The following DMXL2 variants were observed in gnomAD, a reference collection of about 807,000 sequenced individuals.
DMXL2 encodes the protein Dmx like 2.
In DMXL2, 103 loss-of-function variants were observed where a neutral mutation model predicts 331.1. That is an observed-to-expected ratio of 0.31 (90% CI 0.27 to 0.37). The LOEUF is 0.37. Ranked by LOEUF, DMXL2 falls within the 10% of genes least tolerant of loss-of-function variation. The pLI is 1.00. For synonymous variants in DMXL2, 1,281 were observed against 1,252.1 expected (o/e 1.02, Z -0.49); for missense variants, 3,171 against 3,642.9 (o/e 0.87, Z 3.33).
At chr15:51,465,770 G>A (rs1240430073) in intron 30 of DMXL2, 119 bp from the exon 31 acceptor site, 1 of 725,004 alleles carries the variant, frequency 1.4e-6, no homozygotes, top group Non-Finnish European at 2.2e-6. Flanking sequence ...AGCTGTCATT[G>A]AAATTTACTA....
intron 1 of DMXL2, among the ~76,000 whole-genome samples, chr15:51,587,185 T>A (rs2051905344): frequency 6.6e-6 from 1 of 152,260 alleles, no homozygotes; most frequent in African/African-American, 2.4e-5. Context: ...TTTTTTATTA[T>A]ACTTTAAGTT....
intron 1 of DMXL2, among the ~76,000 whole-genome samples, chr15:51,611,584 A>G (rs1297623401): frequency 6.6e-6 from 1 of 152,118 alleles, no homozygotes; most frequent in African/African-American, 2.4e-5. Context: ...TACTTTTTAC[A>G]TCTTGCGGGG....
chr15:51,494,727 G>C (rs895757705), intron 19 of DMXL2, among the ~76,000 whole-genome samples: 1 of 152,120 alleles, frequency 6.6e-6, no homozygotes, highest in African/African-American at 2.4e-5. Flanking sequence ...GATATTCAGG[G>C]CTACTCTGTA....
rs12102203 is a variant in DMXL2, at chr15:51,499,362, A to C, written c.3862T>G (p.Ser1288Ala). 10 of 1,613,566 alleles carry C rather than the reference A, an allele frequency of 6.2e-6. No individual in the cohort carries two copies. The highest frequency in any genetic ancestry group is 8.5e-6 in the Non-Finnish European group (10 of 1,179,932). ...TGCATTGCTGCCTCTTCTGCATTAG[A>C]ACTATCAGCTTCAGTGTCTCCAAAT... is the stretch of plus-strand genomic sequence containing the variant. The part of the protein sequence containing the change: ...VKFGDTEADS[S>A]NAEEAAMQDH... The change falls in exon 18 of 44, where the codon TCT (serine) becomes GCT (alanine). Residue 1288 changes from serine to alanine, a missense_variant. Coordinates refer to ENST00000560891, the MANE Select transcript of DMXL2 (RefSeq NM_001378457.1).
At chr15:51,563,254 T>C in intron 6 of DMXL2, 127 bp downstream of exon 6, 1 of 779,054 alleles carries the variant, frequency 1.3e-6, no homozygotes, top group South Asian at 1.8e-5. Context: ...CTTTTATTCT[T>C]CAGGCCAGCT....
intron 41 of DMXL2, among the ~76,000 whole-genome samples, chr15:51,452,205 C>CA (rs780609678): frequency 7.3e-4 from 108 of 148,726 alleles, no homozygotes; most frequent in South Asian, 1.4e-3. Context: ...AAGATAACAT[C>CA]AAAAAAAACT....
In DMXL2 at chr15:51,456,126, G is replaced by A. The variant is rs1343327675; in HGVS notation, c.8466C>T (p.Cys2822=). The A allele has an allele frequency of 2.5e-6, 4 of 1,614,164 alleles. No homozygotes were observed. Among genetic ancestry groups the A allele is most frequent in the Non-Finnish European group, 2.5e-6 (3 of 1,180,028 alleles). ...FEWTRPQQLV[C]FRQAGNARVT... ...CTCTTGCATTGCCAGCTTGACGAAA[G>A]CAGACAAGTTGCTGAGGCCGCGTCC... The change falls in exon 39 of 44, where the codon TGC becomes TGT. Residue 2822 remains cysteine (C), a synonymous_variant. Transcript: ENST00000560891.
At position 51,463,627 on chromosome 15, in the gene DMXL2, TG is replaced by T; in HGVS notation, c.7809-132del. On this transcript the variant is annotated intron_variant, in intron 32 of 43. Coordinates refer to ENST00000560891, the MANE Select transcript of DMXL2 (RefSeq NM_001378457.1). The stretch of plus-strand genomic sequence containing the variant: ...TATTTTTAAAACCTTCATAATCTAT[TG>T]CAAAGAAGACACAGCATTAAGCTCA... 7.0e-6 allele frequency: 4 copies of T among 570,596 alleles called. No homozygotes were observed. The Middle Eastern group carries it at 1.4e-3, about 205-fold the overall frequency. The allele number at this position is 570,596 out of a possible 1,614,324, so 35.3% of individuals were successfully genotyped here. A position where few individuals can be genotyped will look rare whatever the true frequency, so the allele number is the denominator to read the frequency against.
At chr15:51,457,120 C>T (rs1339027490) in intron 37 of DMXL2, among the ~76,000 whole-genome samples, 2 of 152,106 alleles carry the variant, frequency 1.3e-5, no homozygotes, top group Admixed American at 6.5e-5. Flanking sequence ...TGCAGTGAGC[C>T]GAAATTGCAC....
chr15:51,455,154 A>G lies in DMXL2; in HGVS notation c.8601T>C (p.Tyr2867=), dbSNP rs1462480089. Residue 2867 remains tyrosine (Y), a synonymous_variant, in exon 40 of 44, where the codon TAT becomes TAC. Transcript: ENST00000560891. The stretch of plus-strand genomic sequence containing the variant: ...GGGAACATTTAGTGATACTTACCAT[A>G]TAAGGTTTAGGATTTGATGCAGTTT... ...VNQTASNPKP[Y]MSWQCHSKAT... is the part of the protein sequence containing the mutation. 1.2e-6 allele frequency: 2 copies of G among 1,613,222 alleles called. No individual in the cohort carries two copies.
intron 1 of DMXL2, among the ~76,000 whole-genome samples, chr15:51,610,483 T>C (rs1028852247): frequency 2.0e-5 from 3 of 152,094 alleles, no homozygotes; most frequent in African/African-American, 4.8e-5. Flanking sequence ...GAAACACTTA[T>C]AAAGGCCAGG....
At chr15:51,485,581 C>T (rs1472653475) in intron 23 of DMXL2, among the ~76,000 whole-genome samples, 1 of 152,162 alleles carries the variant, frequency 6.6e-6, no homozygotes, top group Non-Finnish European at 1.5e-5. Flanking sequence ...TTTAATGACA[C>T]ACTGTTTCTA....
At chr15:51,524,082 G>C (rs1384065614) in intron 13 of DMXL2, among the ~76,000 whole-genome samples, 1 of 152,156 alleles carries the variant, frequency 6.6e-6, no homozygotes, top group Non-Finnish European at 1.5e-5. Flanking sequence ...ACCAGGTCCT[G>C]GGCCATGAAA....
chr15:51,571,257 C>T (rs2050651316), intron 2 of DMXL2, among the ~76,000 whole-genome samples: 1 of 152,084 alleles, frequency 6.6e-6, no homozygotes, highest in Admixed American at 6.5e-5. Context: ...ATATATGCAC[C>T]TAATACAGGA....
intron 1 of DMXL2, among the ~76,000 whole-genome samples, chr15:51,597,313 C>G (rs929536531): frequency 8.5e-5 from 13 of 152,168 alleles, no homozygotes; most frequent in Non-Finnish European, 1.6e-4. Context: ...AGCCACTACC[C>G]TTTTTGGGAA....
At position 51,457,456 on chromosome 15, in the gene DMXL2, C is replaced by T; in HGVS notation, c.8209G>A (p.Val2737Ile). Residue 2737 changes from valine (V) to isoleucine (I), a missense_variant, in exon 37 of 44, where the codon GTT (valine) becomes ATT (isoleucine). By Grantham distance (29) the Val-to-Ile change is conservative. Around this residue, in one of 7 missense-constraint regions of DMXL2, gnomAD observed 766 missense variants for 940.5 expected, o/e 0.81. Coordinates refer to ENST00000560891, the MANE Select transcript of DMXL2 (RefSeq NM_001378457.1). ...YDRESKSSDD[V>I]DYRGSTTTLY... is the part of the protein sequence containing the mutation. ...GTTGTAGTGGAACCACGATAATCAA[C>T]ATCATCTGAACTGTGAAAAACATTC... The T allele has an allele frequency of 6.2e-7, 1 of 1,614,122 alleles. No individual in the cohort carries two copies. The highest frequency in any genetic ancestry group is 8.5e-7 in the Non-Finnish European group (1 of 1,179,988).
At chr15:51,581,927 C>A (rs561126545) in intron 1 of DMXL2, among the ~76,000 whole-genome samples, 1 of 152,230 alleles carries the variant, frequency 6.6e-6, no homozygotes, top group Admixed American at 6.5e-5. Context: ...GTGTACTAAG[C>A]ATGTTGAGAG....
chr15:51,572,678 C>A (rs997905802), intron 2 of DMXL2, among the ~76,000 whole-genome samples: 1 of 152,132 alleles, frequency 6.6e-6, no homozygotes, highest in South Asian at 2.1e-4. Flanking sequence ...GAACCGATGA[C>A]AAAAACCACA....
At chr15:51,602,322 T>G (rs1037975429) in intron 1 of DMXL2, among the ~76,000 whole-genome samples, 1 of 152,132 alleles carries the variant, frequency 6.6e-6, no homozygotes, top group African/African-American at 2.4e-5. Context: ...AAATTCTCCC[T>G]TTATCTTTTT....
Sources: allele counts gnomAD v4.1 joint callset (sites outside exome capture counted in the v4.1 genomes callset), GRCh38; gene constraint gnomAD v4.1.1; regional missense constraint gnomAD v4.1.1; transcripts MANE v1.5; gene names NCBI Gene and HGNC (gene_info 2026-07-23, HGNC 2026-07-21).